The following CTNNA2 variants were observed in gnomAD, a reference collection of about 807,000 sequenced individuals.
The protein encoded by CTNNA2 is catenin alpha-2.
Under a neutral mutation model 101.0 loss-of-function variants are expected in CTNNA2, and 42 were observed. The ratio of observed to expected loss-of-function variants is 0.42; its 90% CI spans 0.32 to 0.54. The LOEUF (loss-of-function observed/expected upper bound fraction) is 0.54, where lower values mean the gene tolerates loss of function less well. CTNNA2 is among the 20% of genes least tolerant of loss of function. The pLI is 0.14. For synonymous variants in CTNNA2, 450 were observed against 456.4 expected (o/e 0.99, Z 0.18); for missense variants, 871 against 1,223.1 (o/e 0.71, Z 4.29).
intron 4 of CTNNA2, among the ~76,000 whole-genome samples, chr2:79,503,398 G>A (rs756044340): frequency 5.3e-5 from 8 of 152,096 alleles, no homozygotes; most frequent in African/African-American, 7.2e-5. Flanking sequence ...GGCCTTTGGC[G>A]TGTCATATTC....
rs115951110 is a variant in CTNNA2 at position 80,430,688 on chromosome 2, A to C, written c.1290+11087A>C. ...TTAGAAAGATTCCCAGGAAACTGGC[A>C]TCTGGACTTTAATAGTAGTGTTGCC... On this transcript the variant is annotated intron_variant, in intron 9 of 18. Coordinates refer to ENST00000402739, the MANE Select transcript of CTNNA2 (RefSeq NM_001282597.3). Among the ~76,000 whole-genome samples, 293 of 152,314 alleles carry C rather than the reference A, an allele frequency of 1.9e-3. 1 individual carries two copies. The highest frequency in any genetic ancestry group is 6.8e-3 in the African/African-American group (283 of 41,578).
rs140181490 is a variant in CTNNA2, at chr2:79,709,642, A to C, written c.103-34745A>C. On this transcript the variant is annotated intron_variant, in intron 2 of 18. Transcript: ENST00000402739. ...GGTCTATTGAAGGTTTTTGAGCAGG[A>C]GTGACTACTGCAGTATGCCAGACCT... Among the ~76,000 whole-genome samples, 347 of 152,274 alleles carry C rather than the reference A, an allele frequency of 2.3e-3. 3 individuals carry two copies. Among genetic ancestry groups the C allele is most frequent in the Admixed American group, 4.4e-3 (68 of 15,292 alleles).
intron 7 of CTNNA2, among the ~76,000 whole-genome samples, chr2:80,119,639 A>G (rs982065049): frequency 6.6e-6 from 1 of 152,224 alleles, no homozygotes; most frequent in African/African-American, 2.4e-5. Flanking sequence ...AGATAATTGT[A>G]TTTACTTCTA....
intron 8 of CTNNA2, among the ~76,000 whole-genome samples, chr2:80,407,972 A>T (rs570235057): frequency 6.6e-6 from 1 of 152,356 alleles, no homozygotes; most frequent in African/African-American, 2.4e-5. Flanking sequence ...TGTTTTAGAA[A>T]GTGTGTTGAG....
intron 7 of CTNNA2, among the ~76,000 whole-genome samples, chr2:80,038,358 G>A (rs1695803505): frequency 6.6e-6 from 1 of 152,142 alleles, no homozygotes; most frequent in Non-Finnish European, 1.5e-5. Flanking sequence ...GGCTTCCTGG[G>A]GCTCTGAGGA....
chr2:79,935,368 CTT>C (rs1687716569), intron 7 of CTNNA2, among the ~76,000 whole-genome samples: 1 of 143,358 alleles, frequency 7.0e-6, no homozygotes, highest in South Asian at 2.2e-4. Flanking sequence ...TTTTTTTTAA[CTT>C]TTTATTTGGA....
intron 7 of CTNNA2, among the ~76,000 whole-genome samples, chr2:80,214,867 C>T (rs1231689753): frequency 5.9e-5 from 9 of 152,150 alleles, no homozygotes; most frequent in Admixed American, 4.6e-4. Flanking sequence ...CAACTTGGCT[C>T]CATTATCCCC....
chr2:80,382,374 T>G (rs1426132223), intron 7 of CTNNA2, among the ~76,000 whole-genome samples: 2 of 148,998 alleles, frequency 1.3e-5, no homozygotes, highest in African/African-American at 2.5e-5. Context: ...AAAAAAAAAA[T>G]GCTCATGACA....
At chr2:79,524,828 A>G (rs1241140499) in intron 1 of CTNNA2, 2 of 151,748 alleles carry the variant, frequency 1.3e-5, no homozygotes, top group African/African-American at 2.4e-5. Flanking sequence ...TGGAGTAAGC[A>G]TAGTGTGTAC....
intron 1 of CTNNA2, among the ~76,000 whole-genome samples, chr2:79,615,693 A>G (rs1056714310): frequency 1.3e-5 from 2 of 152,154 alleles, no homozygotes; most frequent in Non-Finnish European, 2.9e-5. Context: ...CCCACTATAC[A>G]CATGCTTCTG....
chr2:79,433,036 A>G (rs1678673681), intron 4 of CTNNA2, among the ~76,000 whole-genome samples: 1 of 152,200 alleles, frequency 6.6e-6, no homozygotes, highest in Non-Finnish European at 1.5e-5. Flanking sequence ...GCTGCAGCTT[A>G]CACAGAAGCC....
chr2:79,753,043 G>A (rs1672151496), intron 3 of CTNNA2, among the ~76,000 whole-genome samples: 1 of 152,154 alleles, frequency 6.6e-6, no homozygotes, highest in Non-Finnish European at 1.5e-5. Context: ...AGACAGAGGT[G>A]TTTTTAATGG....
intron 4 of CTNNA2, 90 bp from the exon 5 acceptor site, chr2:79,869,726 A>G: frequency 6.6e-7 from 1 of 1,508,108 alleles, no homozygotes; most frequent in Non-Finnish European, 8.8e-7. Context: ...CTAGTGTTTT[A>G]GAGTTTTTGG....
intron 18 of CTNNA2, among the ~76,000 whole-genome samples, chr2:80,639,215 TTTTG>T (rs1164270483): frequency 2.0e-5 from 3 of 152,020 alleles, no homozygotes; most frequent in Non-Finnish European, 4.4e-5. Flanking sequence ...TTTAATGTGG[TTTTG>T]TTTGTTTTGA....
At chr2:80,060,102 T>C (rs1558769280) in intron 7 of CTNNA2, among the ~76,000 whole-genome samples, 1 of 152,232 alleles carries the variant, frequency 6.6e-6, no homozygotes, top group Non-Finnish European at 1.5e-5. Flanking sequence ...ATGCCAAGGA[T>C]GCTTGGCTTC....
At chr2:79,521,147 T>A in intron 1 of CTNNA2, among the ~76,000 whole-genome samples, 1 of 53,738 alleles carries the variant, frequency 1.9e-5, no homozygotes, top group Non-Finnish European at 3.6e-5. Flanking sequence ...TATATATATA[T>A]ATATATATAT....
At chr2:79,345,746 G>A (rs542294977) in intron 3 of CTNNA2, among the ~76,000 whole-genome samples, 3 of 152,100 alleles carry the variant, frequency 2.0e-5, no homozygotes, top group South Asian at 2.1e-4. Flanking sequence ...AGGCTGGAGT[G>A]TAGTGGCACA....
At chr2:79,885,255 C>T (rs1225623599) in intron 6 of CTNNA2, among the ~76,000 whole-genome samples, 1 of 152,182 alleles carries the variant, frequency 6.6e-6, no homozygotes, top group Non-Finnish European at 1.5e-5. Context: ...GAGATCTACA[C>T]TGAAGGCTTC....
At chr2:80,407,361 G>C (rs915467352) in intron 8 of CTNNA2, among the ~76,000 whole-genome samples, 6 of 152,198 alleles carry the variant, frequency 3.9e-5, no homozygotes, top group Non-Finnish European at 8.8e-5. Context: ...GATTGCAGTA[G>C]AAACTTACGT....
Sources: allele counts gnomAD v4.1 joint callset (sites outside exome capture counted in the v4.1 genomes callset), GRCh38; gene constraint gnomAD v4.1.1; transcripts MANE v1.5; gene names NCBI Gene and HGNC (gene_info 2026-07-23, HGNC 2026-07-21).